The following CERKL variants were observed in gnomAD, a reference collection of about 807,000 sequenced individuals.
The protein encoded by CERKL is ceramide kinase-like protein.
In CERKL, 61 loss-of-function variants were observed where a neutral mutation model predicts 63.4. The observed-to-expected ratio is 0.96, with a 90% CI of 0.78 to 1.19. The LOEUF is 1.19. Ranked by LOEUF, CERKL falls within the 50% of genes most tolerant of loss-of-function variation. The pLI, the probability that CERKL is intolerant of heterozygous loss-of-function variation, is 0.00. For missense variants in CERKL, 675 were observed against 655.5 expected (o/e 1.03, Z -0.33); for synonymous variants, 250 against 230.5 (o/e 1.08, Z -0.77).
At chr2:181,577,333 T>G (rs1264924659) in intron 2 of CERKL, among the ~76,000 whole-genome samples, 2 of 152,198 alleles carry the variant, frequency 1.3e-5, no homozygotes. Flanking sequence ...GCTAGAGGTA[T>G]CTAATGGATT....
chr2:181,546,217 T>A (rs1457335120), intron 10 of CERKL, among the ~76,000 whole-genome samples: 2 of 152,122 alleles, frequency 1.3e-5, no homozygotes, highest in Non-Finnish European at 2.9e-5. Context: ...AACAGTGGAA[T>A]TCTAGTCAAG....
Position 181,548,673 on chromosome 2 carries a change from G to T in CERKL, c.1073+7C>A, listed in dbSNP as rs1335461632. The stretch of plus-strand genomic sequence containing the variant: ...GATACAATTTTTGGTTTAAGAAAAA[G>T]ACTTACTTAAGTTTTGCCAGTGCCT... On this transcript the variant is annotated splice_region_variant and intron_variant, in intron 7 of 12. Transcript: ENST00000410087. 1.9e-6 allele frequency: 3 copies of T among 1,613,556 alleles called. No homozygotes were observed. Among genetic ancestry groups the T allele is most frequent in the Non-Finnish European group, 2.5e-6 (3 of 1,179,740 alleles).
chr2:181,561,347 T>G (rs1001208244), intron 4 of CERKL, among the ~76,000 whole-genome samples: 1 of 150,484 alleles, frequency 6.6e-6, no homozygotes, highest in African/African-American at 2.5e-5. Context: ...GAGACAGAGG[T>G]TGCACTGAGC....
At chr2:181,617,305 A>G (rs1210874303) in intron 1 of CERKL, 6 of 152,236 alleles carry the variant, frequency 3.9e-5, no homozygotes, top group African/African-American at 1.2e-4. Context: ...AGAAACACTT[A>G]TATCATTTCA....
Position 181,656,914 on chromosome 2 carries a change from C to A in CERKL, c.93G>T (p.Ala31=). 2 of 1,601,094 alleles carry A rather than the reference C, an allele frequency of 1.2e-6. No individual in the cohort carries two copies. The highest frequency in any genetic ancestry group is 2.2e-5 in the South Asian group (2 of 90,476). Residue 31 remains alanine (A), a synonymous_variant, in exon 1 of 13, where the codon GCG becomes GCT. Coordinates refer to ENST00000410087, the MANE Select transcript of CERKL (RefSeq NM_201548.5). ...APPEAAAVPP[A]LLTSPQQTEA... is the part of the protein sequence containing the mutation. ...CCGTCTGCTGCGGGGACGTTAACAG[C>A]GCCGGAGGCACAGCGGCAGCCTCCG...
intron 11 of CERKL, among the ~76,000 whole-genome samples, chr2:181,541,702 G>T (rs927334761): frequency 1.4e-4 from 22 of 152,224 alleles, no homozygotes; most frequent in African/African-American, 5.1e-4. Context: ...ATTAAAGTTT[G>T]AATTAAGGTG....
chr2:181,571,840 A>G (rs1688916200), intron 3 of CERKL, among the ~76,000 whole-genome samples: 1 of 152,186 alleles, frequency 6.6e-6, no homozygotes, highest in South Asian at 2.1e-4. Flanking sequence ...TGACTGCGCT[A>G]ATACAGTATC....
intron 2 of CERKL, among the ~76,000 whole-genome samples, chr2:181,596,382 G>A (rs1214762324): frequency 2.0e-5 from 3 of 152,140 alleles, no homozygotes. Flanking sequence ...AAGCCCTAGG[G>A]AAGACTGCCT....
chr2:181,657,075 G>A lies in CERKL; in HGVS notation c.-69C>T. 3 of 1,383,476 alleles carry A rather than the reference G, an allele frequency of 2.2e-6. No homozygotes were observed. The highest frequency in any genetic ancestry group is 3.0e-6 in the Non-Finnish European group (3 of 1,001,204). The allele number at this position is 1,383,476 out of a possible 1,614,324, so 85.7% of individuals were successfully genotyped here. ...CTTTGGAGAAGGAGGTGGAGGGCGC[G>A]GCAGCCCCAGCTCTAGCCGCGTCCA... On this transcript the variant is annotated 5_prime_UTR_variant, in exon 1 of 13. Coordinates refer to ENST00000410087, the MANE Select transcript of CERKL (RefSeq NM_201548.5).
intron 2 of CERKL, 62 bp from the exon 3 acceptor site, chr2:181,573,946 T>C: frequency 6.7e-7 from 1 of 1,485,754 alleles, no homozygotes; most frequent in Non-Finnish European, 9.3e-7. Flanking sequence ...TTCTTTCCCT[T>C]TAAAATGACA....
Position 181,539,342 on chromosome 2 carries a change from T to A in CERKL, c.1366-78A>T, listed in dbSNP as rs938126497. The A allele has an allele frequency of 3.3e-5, 30 of 902,072 alleles. No homozygotes were observed. In the Middle Eastern group the frequency reaches 6.6e-4, roughly 20 times the overall value. 55.9% of individuals were successfully genotyped at this position (902,072 alleles called of 1,614,324 possible). On this transcript the variant is annotated intron_variant, in intron 11 of 12. Transcript: ENST00000410087. ...GCGAATCAAAGTTCACTGAGCCCTC[T>A]CTCACAAGTAAATATCAGCATGTAT...
At chr2:181,598,819 A>G (rs1472869040) in intron 2 of CERKL, among the ~76,000 whole-genome samples, 1 of 152,084 alleles carries the variant, frequency 6.6e-6, no homozygotes, top group Non-Finnish European at 1.5e-5. Context: ...AAGCACCCAG[A>G]AACAAAGTTG....
At chr2:181,585,734 C>A (rs77146830) in intron 2 of CERKL, among the ~76,000 whole-genome samples, 1,853 of 152,204 alleles carry the variant, frequency 0.012, 16 homozygotes, top group Non-Finnish European at 0.016. Context: ...AATTAAAACT[C>A]TAAATTAATA....
chr2:181,578,261 G>T (rs961953147), intron 2 of CERKL, among the ~76,000 whole-genome samples: 1 of 151,668 alleles, frequency 6.6e-6, no homozygotes, highest in Non-Finnish European at 1.5e-5. Context: ...TGTGTGTGGG[G>T]GGGTATGTGT....
intron 2 of CERKL, among the ~76,000 whole-genome samples, chr2:181,602,352 T>A (rs1052614727): frequency 2.0e-5 from 3 of 152,374 alleles, no homozygotes; most frequent in Middle Eastern, 6.8e-3. Flanking sequence ...GTCATGTTAA[T>A]CAATTTACTT....
intron 2 of CERKL, among the ~76,000 whole-genome samples, chr2:181,577,739 G>A (rs1475401212): frequency 2.6e-5 from 4 of 152,124 alleles, no homozygotes; most frequent in African/African-American, 9.7e-5. Flanking sequence ...AGTGACATGG[G>A]GTGGAAGAGG....
intron 1 of CERKL, 133 bp from the exon 2 acceptor site, chr2:181,604,212 C>CCTG: frequency 1.5e-6 from 1 of 662,588 alleles, no homozygotes; most frequent in Non-Finnish European, 2.6e-6. Flanking sequence ...GGGTACTGGG[C>CCTG]TTAATACCTG....
chr2:181,537,288 A>G lies in CERKL; in HGVS notation c.*896T>C, dbSNP rs1333780167. 2.2e-6 allele frequency: 1 copy of G among 453,694 alleles called. No individual in the cohort carries two copies. The highest frequency in any genetic ancestry group is 4.4e-6 in the Non-Finnish European group (1 of 226,520). 28.1% of individuals were successfully genotyped at this position (453,694 alleles called of 1,614,324 possible). On this transcript the variant is annotated 3_prime_UTR_variant, in exon 13 of 13. Coordinates refer to ENST00000410087, the MANE Select transcript of CERKL (RefSeq NM_201548.5). Reference sequence around the variant, plus strand: ...TACTCAGAACTACTCAGAAACAACTATATATTTCAGGTTATCTGAGCACAG... The same window carrying G: ...TACTCAGAACTACTCAGAAACAACTGTATATTTCAGGTTATCTGAGCACAG...
chr2:181,594,556 T>G (rs1685122111), intron 2 of CERKL, among the ~76,000 whole-genome samples: 1 of 152,244 alleles, frequency 6.6e-6, no homozygotes, highest in Admixed American at 6.5e-5. Context: ...TCAGATGCTA[T>G]GAAGGGCCCA....
Sources: gnomAD v4.1 joint callset for allele counts (sites outside exome capture counted in the v4.1 genomes callset) on GRCh38, gnomAD v4.1.1 for gene constraint, MANE v1.5 for transcripts, NCBI Gene and HGNC (gene_info 2026-07-23, HGNC 2026-07-21) for gene names.